Variants in HDX observed in about 807,000 individuals in gnomAD.
HDX encodes chromosome X open reading frame 43.
HDX carries 19 observed loss-of-function variants against 45.2 expected under a neutral mutation model. The observed-to-expected ratio is 0.42, with a 90% CI of 0.29 to 0.62. HDX has a LOEUF of 0.62. HDX is among the 20% of genes least tolerant of loss of function. The probability of loss-of-function intolerance (pLI) is 0.20; values close to 1 mark genes in which losing one functional copy is unlikely to be tolerated. For missense variants in HDX, 532 were observed against 493.9 expected (o/e 1.08, Z -0.73); for synonymous variants, 188 against 172.8 (o/e 1.09, Z -0.69).
At chrX:84,378,657 C>T (rs1460919904) in intron 5 of HDX, among the ~76,000 whole-genome samples, 1 of 110,727 alleles carries the variant, frequency 9.0e-6, no homozygotes, top group Non-Finnish European at 1.9e-5. Context: ...AACAGATACA[C>T]AAAAAATAAA....
intron 5 of HDX, among the ~76,000 whole-genome samples, chrX:84,410,811 A>G (rs1374943254): frequency 1.8e-5 from 2 of 111,224 alleles, no homozygotes; most frequent in Non-Finnish European, 3.8e-5. Context: ...ATTTTCTTAT[A>G]GGTAGGCTTT....
chrX:84,483,487 T>C (rs1304116221), intron 2 of HDX, among the ~76,000 whole-genome samples: 1 of 112,508 alleles, frequency 8.9e-6, no homozygotes, highest in East Asian at 2.8e-4. Flanking sequence ...GAGCTGTATG[T>C]TGGCCCCTTT....
intron 5 of HDX, among the ~76,000 whole-genome samples, chrX:84,392,119 C>A (rs2038455548): frequency 1.8e-5 from 2 of 111,816 alleles, no homozygotes; most frequent in South Asian, 7.4e-4. Context: ...GGTTCACTTT[C>A]ATTCTTTTGC....
intron 5 of HDX, among the ~76,000 whole-genome samples, chrX:84,399,308 T>A (rs2038642666): frequency 9.5e-6 from 1 of 105,164 alleles, no homozygotes; most frequent in African/African-American, 3.5e-5. Flanking sequence ...AACGAAATAG[T>A]CCACTAGCTA....
At chrX:84,421,132 T>G (rs1338124975) in intron 5 of HDX, among the ~76,000 whole-genome samples, 13 of 111,904 alleles carry the variant, frequency 1.2e-4, no homozygotes, top group Admixed American at 7.6e-4. Context: ...ACACAGAATA[T>G]TATAACACTG....
chrX:84,344,516 C>T (rs2037156873), intron 6 of HDX, 59 bp from the exon 7 acceptor site: 1 of 790,244 alleles, frequency 1.3e-6, no homozygotes, highest in African/African-American at 2.0e-5. Context: ...GCAGTTCTAG[C>T]CAGTAAAATA....
intron 5 of HDX, among the ~76,000 whole-genome samples, chrX:84,379,709 C>A (rs374430469): frequency 2.7e-5 from 3 of 110,143 alleles, no homozygotes; most frequent in Non-Finnish European, 5.7e-5. Context: ...CATACCAAAA[C>A]CTATGGGATA....
intron 5 of HDX, among the ~76,000 whole-genome samples, chrX:84,382,646 A>G (rs1392602779): frequency 4.5e-5 from 5 of 110,994 alleles, no homozygotes; most frequent in African/African-American, 1.6e-4. Context: ...AAAAACCAAA[A>G]CAATTGAACT....
intron 5 of HDX, among the ~76,000 whole-genome samples, chrX:84,385,196 CTTTTTTTTTTTTTTTTTTTTTT>C (rs146043472): frequency 3.4e-5 from 1 of 29,528 alleles, no homozygotes; most frequent in Non-Finnish European, 5.3e-5. Context: ...TCTCTGATTT[CTTTTTTTTTTTTTTTTTTTTTT>C]TTTTTTTTTT....
intron 5 of HDX, among the ~76,000 whole-genome samples, chrX:84,426,045 G>T (rs893020618): frequency 9.0e-6 from 1 of 110,700 alleles, no homozygotes; most frequent in African/African-American, 3.3e-5. Flanking sequence ...ATTAAGCATT[G>T]CATGCCTGTA....
chrX:84,465,614 G>A (rs1415992593), intron 4 of HDX, among the ~76,000 whole-genome samples: 2 of 111,781 alleles, frequency 1.8e-5, no homozygotes, highest in South Asian at 3.7e-4. Flanking sequence ...AGTGGGAGGT[G>A]TACAATGAGA....
intron 3 of HDX, among the ~76,000 whole-genome samples, chrX:84,471,146 CT>C (rs1249458665): frequency 2.8e-4 from 31 of 110,799 alleles, no homozygotes; most frequent in African/African-American, 9.8e-4. Context: ...TCAATGTTTA[CT>C]GTACATCTTA....
intron 3 of HDX, 94 bp from the exon 4 acceptor site, chrX:84,469,669 T>C: frequency 1.4e-6 from 1 of 733,344 alleles, no homozygotes; most frequent in African/African-American, 2.1e-5. Flanking sequence ...TCATTTGTCT[T>C]GGAACCAAGG....
In HDX at chrX:84,464,633, T is replaced by C. The variant is rs773363407; in HGVS notation, c.1251+3839A>G. Among the ~76,000 whole-genome samples the C allele has an allele frequency of 2.5e-4, 28 of 111,247 alleles. No individual in the cohort carries two copies. The South Asian group carries it at 7.9e-3, about 31-fold the overall frequency. On this transcript the variant is annotated intron_variant, in intron 4 of 10. Transcript: ENST00000373177. ...AACCTGGCTAGCCATATGTAGAAAA[T>C]TGAAACTGAACCCCTTCCTTACACC...
intron 6 of HDX, among the ~76,000 whole-genome samples, chrX:84,360,009 G>T (rs765617692): frequency 8.9e-6 from 1 of 111,796 alleles, no homozygotes; most frequent in African/African-American, 3.3e-5. Flanking sequence ...TACAGAAAGA[G>T]AAATTTTTTA....
intron 3 of HDX, among the ~76,000 whole-genome samples, chrX:84,469,947 C>T (rs1386386727): frequency 9.0e-6 from 1 of 111,551 alleles, no homozygotes; most frequent in African/African-American, 3.3e-5. Context: ...CAATGATGTT[C>T]ATCATATATT....
At chrX:84,359,363 C>T (rs1281807299) in intron 6 of HDX, among the ~76,000 whole-genome samples, 2 of 108,984 alleles carry the variant, frequency 1.8e-5, no homozygotes. Context: ...CCCCAACAGG[C>T]CCCAGTGTGT....
chrX:84,341,366 CCTCA>C (rs1354684436), intron 7 of HDX, among the ~76,000 whole-genome samples: 5 of 111,105 alleles, frequency 4.5e-5, no homozygotes, highest in Non-Finnish European at 9.5e-5. Context: ...TTAAAATCTG[CCTCA>C]CTATTTCCCT....
chrX:84,394,176 A>G (rs1158788120), intron 5 of HDX, among the ~76,000 whole-genome samples: 5 of 111,282 alleles, frequency 4.5e-5, no homozygotes, highest in Non-Finnish European at 7.6e-5. Context: ...TATATGCCAT[A>G]TGTTTAAGTA....
Sources: allele counts gnomAD v4.1 joint callset (sites outside exome capture counted in the v4.1 genomes callset), GRCh38; gene constraint gnomAD v4.1.1; transcripts MANE v1.5; gene names NCBI Gene and HGNC (gene_info 2026-07-23, HGNC 2026-07-21).